The following PRELID2 variants were observed in gnomAD, a reference collection of about 807,000 sequenced individuals.
PRELID2 encodes PRELI domain-containing protein 2.
A neutral mutation model predicts 28.4 loss-of-function variants in PRELID2; 25 were observed. The observed-to-expected ratio is 0.88, with a 90% CI of 0.64 to 1.23. PRELID2 has a LOEUF of 1.23. PRELID2 is among the 50% of genes most tolerant of loss of function. The pLI is 0.00. For synonymous variants in PRELID2, 76 were observed against 71.6 expected, an observed-to-expected ratio of 1.06 and a Z score of -0.31; for missense variants, 201 against 214.4, an observed-to-expected ratio of 0.94 and a Z score of 0.39.
chr5:145,589,058 T>A (rs563191270), intron 1 of PRELID2, among the ~76,000 whole-genome samples: 18 of 152,296 alleles, frequency 1.2e-4, no homozygotes, highest in African/African-American at 4.3e-4. Flanking sequence ...AAGAGAAAGC[T>A]AGTGGCTGGC....
chr5:145,729,746 T>C (rs1191894708), intron 1 of PRELID2, among the ~76,000 whole-genome samples: 1 of 152,172 alleles, frequency 6.6e-6, no homozygotes, highest in Non-Finnish European at 1.5e-5. Flanking sequence ...CAGCCAGGAA[T>C]GTTGGGGTGA....
chr5:145,301,038 C>T, the PRELID2 span, among the ~76,000 whole-genome samples: 1 of 151,954 alleles, frequency 6.6e-6, no homozygotes, highest in Non-Finnish European at 1.5e-5. Context: ...ACTTTTTCCC[C>T]CTTGCTTGTT....
At chr5:145,460,559 A>T in the PRELID2 span, among the ~76,000 whole-genome samples, 32 of 152,290 alleles carry the variant, frequency 2.1e-4, no homozygotes, top group East Asian at 5.0e-3. Flanking sequence ...CTGTATCAAG[A>T]CTTGCTTAGT....
chr5:145,584,978 A>T (rs1313241439), intron 1 of PRELID2, among the ~76,000 whole-genome samples: 1 of 152,184 alleles, frequency 6.6e-6, no homozygotes, highest in Non-Finnish European at 1.5e-5. Flanking sequence ...ATAAAGATAC[A>T]TGCATGTGTA....
chr5:145,277,695 C>T, the PRELID2 span, among the ~76,000 whole-genome samples: 2 of 152,118 alleles, frequency 1.3e-5, no homozygotes, highest in South Asian at 4.1e-4. Context: ...TAGGAATTAC[C>T]CTCAACTGAA....
chr5:145,347,507 C>A, the PRELID2 span, among the ~76,000 whole-genome samples: 2 of 152,082 alleles, frequency 1.3e-5, no homozygotes, highest in African/African-American at 4.8e-5. Context: ...GGATTTGATT[C>A]AAATTTCACT....
intron 1 of PRELID2, among the ~76,000 whole-genome samples, chr5:145,516,789 T>G (rs763319777): frequency 3.3e-5 from 5 of 151,888 alleles, no homozygotes; most frequent in Non-Finnish European, 7.4e-5. Flanking sequence ...CCAAAACAGA[T>G]ATATAGACCA....
At chr5:145,696,181 T>C (rs970304348) in intron 1 of PRELID2, among the ~76,000 whole-genome samples, 2 of 86,730 alleles carry the variant, frequency 2.3e-5, no homozygotes, top group East Asian at 7.7e-4. Context: ...TTTTTTTTTT[T>C]ACCAGTGTTG....
At chr5:145,471,412 A>G (rs1752053390), downstream of PRELID2, among the ~76,000 whole-genome samples, 1 of 152,162 alleles carries the variant, frequency 6.6e-6, no homozygotes, top group African/African-American at 2.4e-5. Context: ...TAAATTGAGA[A>G]GTTCTCAGAG....
chr5:145,424,209 C>T, the PRELID2 span, among the ~76,000 whole-genome samples: 1 of 152,066 alleles, frequency 6.6e-6, no homozygotes, highest in South Asian at 2.1e-4. Context: ...GCCCTGCCCC[C>T]AGAGGTGCAG....
chr5:145,543,355 C>T (rs1752760723), intron 1 of PRELID2, among the ~76,000 whole-genome samples: 1 of 152,000 alleles, frequency 6.6e-6, no homozygotes, highest in Non-Finnish European at 1.5e-5. Flanking sequence ...TTGTTTCTTT[C>T]TTCCAAAATT....
intron 4 of PRELID2, among the ~76,000 whole-genome samples, chr5:145,811,431 GCATGTGGCAC>G (rs1753933187): frequency 6.6e-6 from 1 of 152,124 alleles, no homozygotes; most frequent in African/African-American, 2.4e-5. Flanking sequence ...TGGACTACGG[GCATGTGGCAC>G]CATGCTCGGC....
At chr5:145,398,071 T>G in the PRELID2 span, among the ~76,000 whole-genome samples, 1 of 152,140 alleles carries the variant, frequency 6.6e-6, no homozygotes, top group Non-Finnish European at 1.5e-5. Context: ...TGGCCTCATC[T>G]TTTCTCTAGC....
At chr5:145,297,509 T>A in the PRELID2 span, among the ~76,000 whole-genome samples, 316 of 152,194 alleles carry the variant, frequency 2.1e-3, 9 homozygotes, top group East Asian at 0.052. Flanking sequence ...ACAGCCAATA[T>A]CATACTGAAT....
In PRELID2 at chr5:145,476,578, G is replaced by T. The variant is rs145843382; in HGVS notation, n.71-3263C>A. 2.0e-3 allele frequency among the ~76,000 whole-genome samples: 303 copies of T among 152,224 alleles called. 6 individuals carry two copies. In the East Asian group the frequency reaches 0.045, roughly 23 times the overall value. On this transcript the variant is annotated intron_variant and non_coding_transcript_variant, in intron 1 of 2. Coordinates refer to the PRELID2 transcript ENST00000510259. ...GAGAATCGCCTGAACCCCGGAGGTG[G>T]AGGTTACAGTGAGCCGAGATTGCGC...
At chr5:145,301,911 C>A in the PRELID2 span, among the ~76,000 whole-genome samples, 1 of 146,612 alleles carries the variant, frequency 6.8e-6, no homozygotes, top group African/African-American at 2.5e-5. Context: ...TAACCTAAGT[C>A]ATCCAACTTT....
At chr5:145,568,001 C>G (rs1459270938) in intron 1 of PRELID2, among the ~76,000 whole-genome samples, 1 of 152,180 alleles carries the variant, frequency 6.6e-6, no homozygotes, top group East Asian at 1.9e-4. Context: ...ATCATAGCTA[C>G]TGGTAATTCT....
At chr5:145,834,384 T>G (rs1217651865) in intron 1 of PRELID2, among the ~76,000 whole-genome samples, 1 of 152,220 alleles carries the variant, frequency 6.6e-6, no homozygotes, top group Non-Finnish European at 1.5e-5. Flanking sequence ...TCCTGGAATT[T>G]GTGATACAAA....
chr5:145,545,301 A>G (rs563836805), intron 1 of PRELID2, among the ~76,000 whole-genome samples: 1 of 152,244 alleles, frequency 6.6e-6, no homozygotes, highest in African/African-American at 2.4e-5. Context: ...AGGATCATCT[A>G]GTCTATTTTC....
Sources: allele counts gnomAD v4.1 joint callset (sites outside exome capture counted in the v4.1 genomes callset), GRCh38; gene constraint gnomAD v4.1.1; transcripts MANE v1.5; gene names NCBI Gene and HGNC (gene_info 2026-07-23, HGNC 2026-07-21).